AAMP: variants seen among roughly 807,000 people sequenced by gnomAD.
AAMP encodes the protein angio-associated migratory cell protein.
A neutral mutation model predicts 51.1 loss-of-function variants in AAMP; 12 were observed. The ratio of observed to expected loss-of-function variants is 0.23; its 90% CI spans 0.15 to 0.38. The LOEUF (loss-of-function observed/expected upper bound fraction) is 0.38. AAMP is among the 10% of genes least tolerant of loss of function. AAMP has a pLI of 1.00. For synonymous variants in AAMP, 210 were observed against 218.7 expected, an observed-to-expected ratio of 0.96 and a Z score of 0.35; for missense variants, 418 against 557.2, an observed-to-expected ratio of 0.75 and a Z score of 2.52.
In AAMP at chr2:218,266,148, CTGAAGAGAGGCACAGA is replaced by C; in HGVS notation, c.680-17_680-2del. On this transcript the variant is annotated splice_acceptor_variant and splice_polypyrimidine_tract_variant and intron_variant, in intron 5 of 10. Coordinates refer to ENST00000248450, the MANE Select transcript of AAMP (RefSeq NM_001087.5). LOFTEE classifies it high-confidence loss of function. The surrounding 1 kb of genome is among the most constrained non-coding windows in gnomAD (Gnocchi z 4.7). ...TCATAGCCTACCACAGCTCTCTTCC[CTGAAGAGAGGCACAGA>C]TGAAGAGAGGGCAGAGGGCACGCTC... is the stretch of plus-strand genomic sequence containing the variant. The C allele has an allele frequency of 6.2e-7, 1 of 1,612,992 alleles. No homozygotes were observed. Among genetic ancestry groups the C allele is most frequent in the Non-Finnish European group, 8.5e-7 (1 of 1,178,980 alleles).
Position 218,269,449 on chromosome 2 carries a change from G to A in AAMP, c.207C>T (p.Pro69=), listed in dbSNP as rs1482115390. The A allele has an allele frequency of 6.2e-7, 1 of 1,614,148 alleles. No homozygotes were observed. Among genetic ancestry groups the A allele is most frequent in the Non-Finnish European group, 8.5e-7 (1 of 1,180,022 alleles). ...EGNEEGWVLE[P]QEGVVGSMEG... is the part of the protein sequence containing the mutation. ...CCATGCTGCCGACCACCCCTTCCTG[G>A]GGTTCTAGAACCCAGCCCTCTTCGT... is the stretch of plus-strand genomic sequence containing the variant. The change falls in exon 2 of 11, where the codon CCC becomes CCT. Residue 69 remains proline, a synonymous_variant. Transcript: ENST00000248450.
Position 218,270,073 on chromosome 2 carries a change from G to C in AAMP, c.14C>G (p.Ser5Trp). The C allele has an allele frequency of 1.2e-6, 2 of 1,613,968 alleles. No individual in the cohort carries two copies. The highest frequency in any genetic ancestry group is 1.1e-5 in the South Asian group (1 of 91,076). Residue 5 changes from serine (S) to tryptophan (W), a missense_variant, in exon 1 of 11, where the codon TCG (serine) becomes TGG (tryptophan). Coordinates refer to ENST00000248450, the MANE Select transcript of AAMP (RefSeq NM_001087.5). ...GGTGTCAGCAGCAGCCCCGCTTTCCGATTCGGACTCCATGCGGCGCAAGCG... is the reference window on the plus strand; with the variant it reads ...GGTGTCAGCAGCAGCCCCGCTTTCCCATTCGGACTCCATGCGGCGCAAGCG... Reference protein sequence around the residue: MESESESGAAADTPP... With the variant: MESEWESGAAADTPP...
chr2:218,270,100 C>G lies in AAMP; in HGVS notation c.-14G>C. ...TTCGGACTCCATGCGGCGCAAGCGG[C>G]GGATCCACTTCTCTGGGCCCAAACG... is the stretch of plus-strand genomic sequence containing the variant. On this transcript the variant is annotated 5_prime_UTR_variant, in exon 1 of 11. Coordinates refer to ENST00000248450, the MANE Select transcript of AAMP (RefSeq NM_001087.5). 5 of 1,613,368 alleles carry G rather than the reference C, an allele frequency of 3.1e-6. No homozygotes were observed. Among genetic ancestry groups the G allele is most frequent in the Non-Finnish European group, 4.2e-6 (5 of 1,179,684 alleles).
chr2:218,269,332 C>A (rs1574612699), intron 2 of AAMP, 50 bp downstream of exon 2: 1 of 1,609,516 alleles, frequency 6.2e-7, no homozygotes, highest in South Asian at 1.1e-5. Flanking sequence ...ATGTTTAATG[C>A]TTACACGCCC....
Position 218,266,620 on chromosome 2 carries a change from C to T in AAMP, c.535-33G>A, listed in dbSNP as rs1373257900. 9 of 1,594,916 alleles carry T rather than the reference C, an allele frequency of 5.6e-6. No individual in the cohort carries two copies. The highest frequency in any genetic ancestry group is 1.3e-5 in the African/African-American group (1 of 74,616). On this transcript the variant is annotated intron_variant, in intron 4 of 10. Coordinates refer to ENST00000248450, the MANE Select transcript of AAMP (RefSeq NM_001087.5). The surrounding 1 kb of genome is among the most constrained non-coding windows in gnomAD (Gnocchi z 4.7). The stretch of plus-strand genomic sequence containing the variant: ...GGGAGGAAGGGGCAGCAGGGAGGCC[C>T]GTCACCCCATCCCACCTAGAAGCCT...
intron 1 of AAMP, 85 bp from the exon 2 acceptor site, chr2:218,269,619 C>A (rs1200863280): frequency 8.7e-6 from 14 of 1,604,900 alleles, no homozygotes; most frequent in Non-Finnish European, 9.4e-6. Flanking sequence ...GAGGCTGGGG[C>A]GGGTCATGTG....
In AAMP at chr2:218,266,424, T is replaced by C. The variant is rs756693851; in HGVS notation, c.679+19A>G. 2 of 1,611,850 alleles carry C rather than the reference T, an allele frequency of 1.2e-6. No individual in the cohort carries two copies. Among genetic ancestry groups the C allele is most frequent in the Admixed American group, 1.7e-5 (1 of 59,954 alleles). On this transcript the variant is annotated intron_variant, in intron 5 of 10. Transcript: ENST00000248450. The surrounding 1 kb of genome is among the most constrained non-coding windows in gnomAD (Gnocchi z 4.7). ...GGCCTCTGCACCCAGGAAAGGTCAC[T>C]CAAGGGAGGTGCTCTCACCATCAGG...
In AAMP at chr2:218,267,047, T is replaced by C; in HGVS notation, c.395-61A>G. On this transcript the variant is annotated intron_variant, in intron 3 of 10. Coordinates refer to ENST00000248450, the MANE Select transcript of AAMP (RefSeq NM_001087.5). This position sits in a 1 kb window ranked among gnomAD's most constrained non-coding sequence, Gnocchi z 4.6. Reference sequence around the variant, plus strand: ...AATAGGGTACCTGGTGCTGGGGGCATGTGATTCTGGTATCTGGCCCACTGA... The same window carrying C: ...AATAGGGTACCTGGTGCTGGGGGCACGTGATTCTGGTATCTGGCCCACTGA... 5.6e-6 allele frequency: 9 copies of C among 1,593,086 alleles called. No individual in the cohort carries two copies. The highest frequency in any genetic ancestry group is 7.7e-6 in the Non-Finnish European group (9 of 1,164,742).
intron 1 of AAMP, 101 bp from the exon 2 acceptor site, chr2:218,269,635 A>G (rs770645899): frequency 5.7e-6 from 9 of 1,588,350 alleles, no homozygotes; most frequent in Non-Finnish European, 7.7e-6. Context: ...ATGTGGCGAG[A>G]AGGGAAGGTG....
intron 2 of AAMP, 21 bp downstream of exon 2, chr2:218,269,361 T>G: frequency 1.2e-6 from 2 of 1,613,230 alleles, no homozygotes; most frequent in Non-Finnish European, 1.7e-6. Flanking sequence ...TGATTTGAGG[T>G]GGATCGCCTC....
At position 218,264,143 on chromosome 2, in the gene AAMP, T is replaced by C; in HGVS notation, c.*390A>G. 1 of 329,910 alleles carries C rather than the reference T, an allele frequency of 3.0e-6. No homozygotes were observed. Among genetic ancestry groups the C allele is most frequent in the Non-Finnish European group, 5.6e-6 (1 of 177,654 alleles). The allele number at this position is 329,910 out of a possible 1,614,324, so 20.4% of individuals were successfully genotyped here. On this transcript the variant is annotated 3_prime_UTR_variant, in exon 11 of 11. Coordinates refer to ENST00000248450, the MANE Select transcript of AAMP (RefSeq NM_001087.5). ...CAGACTCTGTCTCTGGGAAGTATAT[T>C]TTATTTACATTTTTAAAATCTTTAA...
In AAMP at chr2:218,267,520, T is replaced by A; in HGVS notation, c.368A>T (p.Asp123Val). The change falls in exon 3 of 11, where the codon GAT becomes GTT. Residue 123 changes from aspartate (D) to valine (V), a missense_variant. Physicochemically the swap from Asp to Val is radical, Grantham distance 152. Transcript: ENST00000248450. The surrounding 1 kb of genome is among the most constrained non-coding windows in gnomAD (Gnocchi z 4.6). ...TGCACACTCAAAGAGCAGCTCCCCA[T>A]CGCTGAGCCGCCATACGAAGGCTTT... ...DDKAFVWRLS[D>V]GELLFECAGH... 6.2e-7 allele frequency: 1 copy of A among 1,614,016 alleles called. No homozygotes were observed. The highest frequency in any genetic ancestry group is 1.1e-5 in the South Asian group (1 of 91,076).
chr2:218,268,110 A>G (rs1305163532), intron 2 of AAMP, among the ~76,000 whole-genome samples: 1 of 151,768 alleles, frequency 6.6e-6, no homozygotes, highest in Non-Finnish European at 1.5e-5. Flanking sequence ...CTGGGATTAC[A>G]GGCGCCCGCC....
In AAMP at chr2:218,264,593, C is replaced by A. The variant is rs766984684; in HGVS notation, c.1245G>T (p.Val415=). ...DFALSKDASL[V]VTTSGDHKAK... Reference sequence around the variant, plus strand: ...CTTTGTGGTCTCCTGACGTGGTCACCACCAGGGAGGCATCTCTGTAAACAG... The same window carrying A: ...CTTTGTGGTCTCCTGACGTGGTCACAACCAGGGAGGCATCTCTGTAAACAG... The change falls in exon 11 of 11, where the codon GTG becomes GTT. Residue 415 remains valine, a synonymous_variant. Coordinates refer to ENST00000248450, the MANE Select transcript of AAMP (RefSeq NM_001087.5). The A allele has an allele frequency of 3.1e-6, 5 of 1,614,108 alleles. No homozygotes were observed. The South Asian group carries it at 5.5e-5, about 18-fold the overall frequency.
chr2:218,266,814 CCA>C lies in AAMP; in HGVS notation c.534+31_534+32del. On this transcript the variant is annotated intron_variant, in intron 4 of 10. Coordinates refer to ENST00000248450, the MANE Select transcript of AAMP (RefSeq NM_001087.5). This position sits in a 1 kb window ranked among gnomAD's most constrained non-coding sequence, Gnocchi z 4.7. ...CTTGCACCCCCAACAACCCAAGGCC[CCA>C]CAGAGCTGACTCCCGCTCTGATGAT... 6.2e-7 allele frequency: 1 copy of C among 1,612,596 alleles called. No individual in the cohort carries two copies. The highest frequency in any genetic ancestry group is 8.5e-7 in the Non-Finnish European group (1 of 1,179,476).
chr2:218,265,668 A>G lies in AAMP; in HGVS notation c.894T>C (p.Phe298=), dbSNP rs745443162. 4.3e-6 allele frequency: 7 copies of G among 1,612,826 alleles called. No homozygotes were observed. In the South Asian group the frequency reaches 4.4e-5, roughly 10 times the overall value. Residue 298 remains phenylalanine (F), a synonymous_variant, in exon 8 of 11, where the codon TTT becomes TTC. Transcript: ENST00000248450. This position sits in a 1 kb window ranked among gnomAD's most constrained non-coding sequence, Gnocchi z 6.6. Reference sequence around the variant, plus strand: ...GCTGGGAGGCCACAGTCTCAGGTCTAAAAACACCCACCACCTGAAAGCCAG... The same window carrying G: ...GCTGGGAGGCCACAGTCTCAGGTCTGAAAACACCCACCACCTGAAAGCCAG... The part of the protein sequence containing the change: ...SATTGKVVGV[F]RPETVASQPS...
In AAMP at chr2:218,264,377, G is replaced by C; in HGVS notation, c.*156C>G. The C allele has an allele frequency of 1.4e-6, 1 of 736,072 alleles. No homozygotes were observed. The highest frequency in any genetic ancestry group is 2.3e-6 in the Non-Finnish European group (1 of 428,412). The allele number at this position is 736,072 out of a possible 1,614,324, so 45.6% of individuals were successfully genotyped here. On this transcript the variant is annotated 3_prime_UTR_variant, in exon 11 of 11. Coordinates refer to ENST00000248450, the MANE Select transcript of AAMP (RefSeq NM_001087.5). ...CCCTGGGCTGGGTCTCTAAAGAGAAGAAAAGGAGAGGGGAGCAAGTCAGTT... is the reference window on the plus strand; with the variant it reads ...CCCTGGGCTGGGTCTCTAAAGAGAACAAAAGGAGAGGGGAGCAAGTCAGTT...
In AAMP at chr2:218,266,471, T is replaced by C. The variant is rs780026940; in HGVS notation, c.651A>G (p.Pro217=). Residue 217 remains proline (P), a synonymous_variant, in exon 5 of 11, where the codon CCA becomes CCG. Coordinates refer to ENST00000248450, the MANE Select transcript of AAMP (RefSeq NM_001087.5). The surrounding 1 kb of genome is among the most constrained non-coding windows in gnomAD (Gnocchi z 4.7). ...DCKTFQGPNC[P]ATCGRVLPDG... Reference sequence around the variant, plus strand: ...CAGGGAGGACTCGGCCACAGGTGGCTGGGCAGTTGGGACCCTGGAAGGTCT... The same window carrying C: ...CAGGGAGGACTCGGCCACAGGTGGCCGGGCAGTTGGGACCCTGGAAGGTCT... 3 of 1,614,078 alleles carry C rather than the reference T, an allele frequency of 1.9e-6. No homozygotes were observed. Among genetic ancestry groups the C allele is most frequent in the Non-Finnish European group, 2.5e-6 (3 of 1,179,978 alleles).
At position 218,265,737 on chromosome 2, in the gene AAMP, G is replaced by C. The variant is rs1270007341; in HGVS notation, c.880-55C>G. ...ACGGAATCCGGGTGCTTGATGGAGA[G>C]AAAGACGGTGGGGAGAGGAGACAGT... On this transcript the variant is annotated intron_variant, in intron 7 of 10. Coordinates refer to ENST00000248450, the MANE Select transcript of AAMP (RefSeq NM_001087.5). The surrounding 1 kb of genome is among the most constrained non-coding windows in gnomAD (Gnocchi z 6.6). 2.0e-5 allele frequency: 31 copies of C among 1,585,330 alleles called. No homozygotes were observed. The highest frequency in any genetic ancestry group is 2.6e-5 in the Non-Finnish European group (30 of 1,157,248).
Sources: allele counts gnomAD v4.1 joint callset (sites outside exome capture counted in the v4.1 genomes callset), GRCh38; gene constraint gnomAD v4.1.1; non-coding constraint Gnocchi (gnomAD v3.1); transcripts MANE v1.5; gene names NCBI Gene and HGNC (gene_info 2026-07-23, HGNC 2026-07-21).